Variants in ORC3 observed in about 807,000 individuals in gnomAD.
ORC3 encodes the protein homolog of latheo, Drosophila.
ORC3 carries 78 observed loss-of-function variants against 100.7 expected under a neutral mutation model. The ratio of observed to expected loss-of-function variants is 0.77; its 90% CI spans 0.65 to 0.94. ORC3 has a LOEUF of 0.94. Ranked by LOEUF, ORC3 falls within the 40% of genes least tolerant of loss-of-function variation. The pLI, the probability that ORC3 is intolerant of heterozygous loss-of-function variation, is 0.00. For synonymous variants in ORC3, 295 were observed against 289.3 expected (o/e 1.02, Z -0.20); for missense variants, 789 against 823.9 (o/e 0.96, Z 0.52).
chr6:87,676,054 T>C, the ORC3 span: 2 of 701,172 alleles, frequency 2.9e-6, no homozygotes, highest in African/African-American at 1.8e-5. Context: ...ATAACCTCAG[T>C]AGTACTAATA....
downstream of ORC3, among the ~76,000 whole-genome samples, chr6:87,669,372 G>A (rs1770784846): frequency 6.6e-6 from 1 of 152,200 alleles, no homozygotes; most frequent in Non-Finnish European, 1.5e-5. Context: ...TTTAAAAGGT[G>A]CCAGGATTTC....
chr6:87,671,528 G>T (rs922046853), downstream of ORC3, among the ~76,000 whole-genome samples: 1 of 151,992 alleles, frequency 6.6e-6, no homozygotes, highest in African/African-American at 2.4e-5. Flanking sequence ...ATGTCCTTAT[G>T]ATGAGATCAC....
At chr6:87,677,258 A>G in the ORC3 span, among the ~76,000 whole-genome samples, 1 of 152,200 alleles carries the variant, frequency 6.6e-6, no homozygotes, top group African/African-American at 2.4e-5. Context: ...GTTGTTATAT[A>G]TCTAAGCAAA....
intron 4 of ORC3, 55 bp downstream of exon 4, chr6:87,603,583 T>G: frequency 9.0e-7 from 1 of 1,108,936 alleles, no homozygotes; most frequent in Non-Finnish European, 1.2e-6. Context: ...CGTTTTTAAA[T>G]TTTTTTTTAT....
intron 17 of ORC3, among the ~76,000 whole-genome samples, chr6:87,663,579 TAAAAC>T (rs949775441): frequency 6.6e-6 from 1 of 152,246 alleles, no homozygotes; most frequent in Non-Finnish European, 1.5e-5. Flanking sequence ...TCTTGGATTT[TAAAAC>T]AAAGAAAGGT....
At chr6:87,596,447 T>A (rs1777452643) in intron 2 of ORC3, among the ~76,000 whole-genome samples, 2 of 111,334 alleles carry the variant, frequency 1.8e-5, no homozygotes, top group Non-Finnish European at 3.7e-5. Flanking sequence ...GTTTTTTTGT[T>A]GTTTTTTTTT....
At chr6:87,669,742 T>C (rs1770791896), downstream of ORC3, among the ~76,000 whole-genome samples, 1 of 152,260 alleles carries the variant, frequency 6.6e-6, no homozygotes, top group African/African-American at 2.4e-5. Context: ...GTTTCATTTT[T>C]TAAACAATGG....
intron 11 of ORC3, among the ~76,000 whole-genome samples, chr6:87,623,150 G>A (rs1779650178): frequency 1.3e-5 from 2 of 152,104 alleles, no homozygotes; most frequent in African/African-American, 4.8e-5. Flanking sequence ...ATTCTAGAGG[G>A]CATGTGTTTC....
rs1215666063 is a variant in ORC3 at position 87,657,170 on chromosome 6, T to C, written c.1593+188T>C. 1.5e-5 allele frequency: 7 copies of C among 472,932 alleles called. No individual in the cohort carries two copies. The South Asian group carries it at 1.5e-4, about 10-fold the overall frequency. 29.3% of individuals were successfully genotyped at this position (472,932 alleles called of 1,614,324 possible). A position where few individuals can be genotyped will look rare whatever the true frequency, so the allele number is the denominator to read the frequency against. On this transcript the variant is annotated intron_variant, in intron 15 of 19. Transcript: ENST00000392844. ...CCCATTGCCATCATTACTCTACATA[T>C]ACACATTCTGGAACCTACTAGCTAA...
intron 14 of ORC3, among the ~76,000 whole-genome samples, chr6:87,656,701 T>C (rs935938240): frequency 3.3e-5 from 5 of 152,192 alleles, no homozygotes; most frequent in Admixed American, 6.5e-5. Flanking sequence ...AGTAGCTGAT[T>C]TTTTGAAGAC....
chr6:87,640,070 T>C (rs1562362722), intron 13 of ORC3, among the ~76,000 whole-genome samples: 1 of 152,250 alleles, frequency 6.6e-6, no homozygotes, highest in South Asian at 2.1e-4. Context: ...AACCCCAGTG[T>C]GTCACGCCTC....
chr6:87,639,523 G>A (rs1441238083), intron 13 of ORC3, among the ~76,000 whole-genome samples: 1 of 152,156 alleles, frequency 6.6e-6, no homozygotes. Flanking sequence ...TTCTGAGCCT[G>A]CAGCCTTCTG....
intron 13 of ORC3, among the ~76,000 whole-genome samples, chr6:87,643,276 TC>T (rs1768422233): frequency 6.6e-6 from 1 of 152,190 alleles, no homozygotes; most frequent in Non-Finnish European, 1.5e-5. Context: ...TTCAGCTCTT[TC>T]CCCAGAGCTT....
chr6:87,631,566 C>G (rs2128275571), intron 11 of ORC3, among the ~76,000 whole-genome samples: 1 of 152,140 alleles, frequency 6.6e-6, no homozygotes, highest in South Asian at 2.1e-4. Context: ...GATCTTGGCT[C>G]ACGGCAACCT....
intron 5 of ORC3, among the ~76,000 whole-genome samples, chr6:87,606,567 G>C (rs139723264): frequency 5.0e-4 from 75 of 149,346 alleles, no homozygotes; most frequent in Admixed American, 1.3e-3. Flanking sequence ...GTCTCACTCT[G>C]TTGCCTAGGC....
chr6:87,641,022 T>A (rs903120114), intron 13 of ORC3, among the ~76,000 whole-genome samples: 2 of 151,616 alleles, frequency 1.3e-5, no homozygotes, highest in African/African-American at 4.9e-5. Flanking sequence ...GGCAGGAGAA[T>A]CACTTGAAAC....
intron 11 of ORC3, among the ~76,000 whole-genome samples, chr6:87,624,479 G>A (rs1779751524): frequency 6.6e-6 from 1 of 151,878 alleles, no homozygotes; most frequent in South Asian, 2.1e-4. Flanking sequence ...CTGTTTCAAA[G>A]AACAAAAACA....
At chr6:87,625,262 A>G (rs1779814960) in intron 11 of ORC3, among the ~76,000 whole-genome samples, 1 of 152,190 alleles carries the variant, frequency 6.6e-6, no homozygotes, top group South Asian at 2.1e-4. Context: ...ATCCTTGAGG[A>G]ATCACCACAC....
chr6:87,656,804 A>AT (rs1182358783), intron 14 of ORC3, 102 bp from the exon 15 acceptor site: 4 of 713,150 alleles, frequency 5.6e-6, no homozygotes, highest in East Asian at 2.6e-5. Context: ...ACATTAAAAA[A>AT]ATATATATAG....
Sources: gnomAD v4.1 joint callset for allele counts (sites outside exome capture counted in the v4.1 genomes callset) on GRCh38, gnomAD v4.1.1 for gene constraint, MANE v1.5 for transcripts, NCBI Gene and HGNC (gene_info 2026-07-23, HGNC 2026-07-21) for gene names.